WDPCP: variants seen among roughly 807,000 people sequenced by gnomAD.
WDPCP encodes WD repeat-containing and planar cell polarity effector protein fritz homolog.
WDPCP carries 71 observed loss-of-function variants against 93.1 expected under a neutral mutation model. The ratio of observed to expected loss-of-function variants is 0.76; its 90% CI spans 0.63 to 0.93. The LOEUF (loss-of-function observed/expected upper bound fraction) is 0.93, where lower values mean the gene tolerates loss of function less well. Ranked by LOEUF, WDPCP falls within the 40% of genes least tolerant of loss-of-function variation. The pLI is 0.00. For synonymous variants in WDPCP, 315 were observed against 315.0 expected (o/e 1.00, Z 0.00); for missense variants, 844 against 887.4 (o/e 0.95, Z 0.62).
intron 14 of WDPCP, among the ~76,000 whole-genome samples, chr2:63,246,282 T>C (rs554888826): frequency 6.6e-6 from 1 of 152,306 alleles, no homozygotes; most frequent in East Asian, 1.9e-4. Flanking sequence ...GGGCCATCTT[T>C]CCTGGTCGGT....
At chr2:63,797,121 A>C (rs1057186083) in intron 2 of WDPCP, among the ~76,000 whole-genome samples, 1 of 152,084 alleles carries the variant, frequency 6.6e-6, no homozygotes, top group African/African-American at 2.4e-5. Context: ...AAGAAACCAA[A>C]CTTCCAGGAT....
rs1464624316 is a variant in WDPCP at position 63,174,760 on chromosome 2, C to T, written c.1988G>A (p.Gly663Glu). 1 of 1,613,914 alleles carries T rather than the reference C, an allele frequency of 6.2e-7. No homozygotes were observed. Among genetic ancestry groups the T allele is most frequent in the South Asian group, 1.1e-5 (1 of 91,086 alleles). Residue 663 changes from glycine to glutamate, a missense_variant, in exon 15 of 18, where the codon GGA (glycine) becomes GAA (glutamate). Coordinates refer to ENST00000272321, the MANE Select transcript of WDPCP (RefSeq NM_015910.7). ...GAGGTTATCTGGAAATGAGTCTTCT[C>T]CTTGAGGTGCTAAAGACAGGCCAAT... ...AFIGLSLAPQ[G>E]EDSFPDNLPP...
At position 63,397,071 on chromosome 2, in the gene WDPCP, C is replaced by T. The variant is rs139153924; in HGVS notation, c.1435+6977G>A. 1.1e-3 allele frequency among the ~76,000 whole-genome samples: 164 copies of T among 152,188 alleles called. 2 individuals carry two copies. Among genetic ancestry groups the T allele is most frequent in the South Asian group, 2.1e-3 (10 of 4,820 alleles). ...AGGATAGCACTCAGGGGATTAACTG[C>T]GGAGTAGGATGACAAGACTGGAAGG... On this transcript the variant is annotated intron_variant, in intron 10 of 17. Transcript: ENST00000272321.
At chr2:63,590,475 G>C (rs1709170667), upstream of WDPCP, 1 of 152,136 alleles carries the variant, frequency 6.6e-6, no homozygotes, top group Non-Finnish European at 1.5e-5. Flanking sequence ...ATTTTTACTA[G>C]CTGAGATTCC....
At chr2:63,622,964 G>C (rs12476592) in intron 3 of WDPCP, 129,067 of 724,860 alleles carry the variant, frequency 0.18, 12,823 homozygotes, top group Middle Eastern at 0.22. Context: ...ACCACCGCAC[G>C]GCGCCCAAGC....
intron 6 of WDPCP, among the ~76,000 whole-genome samples, chr2:63,450,907 A>G (rs546767870): frequency 4.7e-4 from 72 of 152,304 alleles, no homozygotes; most frequent in Non-Finnish European, 9.0e-4. Context: ...CCAGATGGGC[A>G]GCTATCAATG....
chr2:63,488,012 C>T (rs1005422164), intron 2 of WDPCP, among the ~76,000 whole-genome samples: 5 of 152,066 alleles, frequency 3.3e-5, no homozygotes, highest in Admixed American at 3.3e-4. Context: ...TTATCTGAAA[C>T]TTGTTTAGAC....
Position 63,588,191 on chromosome 2 carries a change from G to T in WDPCP, c.75+6C>A. The stretch of plus-strand genomic sequence containing the variant: ...GAAAACCCCTTGCCCTCGGGCCAGG[G>T]CTCACCTGTCTCGGGAGTGGGGAAG... On this transcript the variant is annotated splice_donor_region_variant and intron_variant, in intron 1 of 17. Coordinates refer to ENST00000272321, the MANE Select transcript of WDPCP (RefSeq NM_015910.7). The T allele has an allele frequency of 6.4e-7, 1 of 1,563,480 alleles. No homozygotes were observed. The highest frequency in any genetic ancestry group is 8.7e-7 in the Non-Finnish European group (1 of 1,151,958).
chr2:63,437,913 C>A, intron 7 of WDPCP: 1 of 1,584,030 alleles, frequency 6.3e-7, no homozygotes, highest in Middle Eastern at 1.7e-4. Flanking sequence ...GAGTTTAATC[C>A]TATGTTTACA....
intron 13 of WDPCP, 102 bp from the exon 14 acceptor site, chr2:63,259,511 A>G: frequency 1.1e-6 from 1 of 936,508 alleles, no homozygotes; most frequent in South Asian, 1.4e-5. Context: ...ACAAAATAGA[A>G]ACAGTTTGTA....
At chr2:63,199,829 T>C (rs1404738866) in intron 14 of WDPCP, among the ~76,000 whole-genome samples, 4 of 152,092 alleles carry the variant, frequency 2.6e-5, no homozygotes, top group African/African-American at 9.7e-5. Context: ...CCCAGAATGG[T>C]AGATACACGA....
At chr2:63,726,261 C>A (rs1383253688) in intron 2 of WDPCP, among the ~76,000 whole-genome samples, 1 of 152,210 alleles carries the variant, frequency 6.6e-6, no homozygotes, top group Non-Finnish European at 1.5e-5. Context: ...CAATCTTCCA[C>A]GTATGGCTAG....
In WDPCP at chr2:63,420,370, A is replaced by AAAAAAAAC. The variant is rs1256340357; in HGVS notation, c.825+13374_825+13375insGTTTTTTT. On this transcript the variant is annotated intron_variant, in intron 9 of 17. Transcript: ENST00000272321. ...ACACCCCATCTTTACTTAAAAAAAA[A>AAAAAAAAC]AAAAAACAGAAAAATTAGCCGGCTA... 4.6e-5 allele frequency among the ~76,000 whole-genome samples: 7 copies of AAAAAAAAC among 150,920 alleles called. 1 individual carries two copies. The highest frequency in any genetic ancestry group is 1.0e-4 in the Non-Finnish European group (7 of 67,728).
intron 2 of WDPCP, chr2:63,751,749 TG>T: frequency 1.7e-6 from 1 of 576,234 alleles, no homozygotes; most frequent in Non-Finnish European, 3.3e-6. Flanking sequence ...ATAGTCACCT[TG>T]GTTTTGTGGT....
intron 14 of WDPCP, among the ~76,000 whole-genome samples, chr2:63,221,375 T>C (rs551323381): frequency 6.6e-6 from 1 of 152,270 alleles, no homozygotes; most frequent in South Asian, 2.1e-4. Context: ...TGTGGGGAAG[T>C]TAATAGTGGT....
chr2:63,226,234 T>TCTAA (rs1424063972), intron 14 of WDPCP, among the ~76,000 whole-genome samples: 1 of 151,864 alleles, frequency 6.6e-6, no homozygotes, highest in Admixed American at 6.6e-5. Flanking sequence ...ATGTGTAAAC[T>TCTAA]CTAACTAAAT....
chr2:63,363,086 ATTATTC>A (rs1367326337), intron 12 of WDPCP, among the ~76,000 whole-genome samples: 2 of 152,134 alleles, frequency 1.3e-5, no homozygotes, highest in Non-Finnish European at 2.9e-5. Flanking sequence ...GGACAAAATA[ATTATTC>A]TTGTTTTTGT....
intron 1 of WDPCP, among the ~76,000 whole-genome samples, chr2:63,503,998 G>C (rs1170751880): frequency 6.6e-6 from 1 of 151,532 alleles, no homozygotes; most frequent in African/African-American, 2.4e-5. Flanking sequence ...CCTCTACCTT[G>C]TCAGATTTCA....
intron 12 of WDPCP, among the ~76,000 whole-genome samples, chr2:63,336,166 C>T (rs1005301395): frequency 3.3e-5 from 5 of 152,176 alleles, no homozygotes; most frequent in Non-Finnish European, 7.4e-5. Context: ...TTTTACTTTG[C>T]ACTGCAGACT....
Sources: gnomAD v4.1 joint callset for allele counts (sites outside exome capture counted in the v4.1 genomes callset) on GRCh38, gnomAD v4.1.1 for gene constraint, MANE v1.5 for transcripts, NCBI Gene and HGNC (gene_info 2026-07-23, HGNC 2026-07-21) for gene names.